Variants in CARMIL1 observed in about 807,000 individuals in gnomAD.
CARMIL1 encodes the protein F-actin-uncapping protein LRRC16A.
A neutral mutation model predicts 177.1 loss-of-function variants in CARMIL1; 90 were observed. The ratio of observed to expected loss-of-function variants is 0.51; its 90% confidence interval spans 0.43 to 0.61. The LOEUF (loss-of-function observed/expected upper bound fraction) is 0.61, where lower values mean the gene tolerates loss of function less well. Among genes scored for constraint, CARMIL1 ranks in the 20% least tolerant of loss-of-function variants. CARMIL1 has a pLI of 0.00. For missense variants in CARMIL1, 1,380 were observed against 1,667.0 expected (o/e 0.83, Z 3.00); for synonymous variants, 577 against 606.2 (o/e 0.95, Z 0.71).
chr6:25,329,633 A>C (rs1785427393), intron 2 of CARMIL1, among the ~76,000 whole-genome samples: 1 of 152,252 alleles, frequency 6.6e-6, no homozygotes, highest in Admixed American at 6.5e-5. Flanking sequence ...GCACATATGT[A>C]AATTGAATGC....
chr6:25,358,233 C>T (rs1788828757), intron 2 of CARMIL1, among the ~76,000 whole-genome samples: 1 of 152,106 alleles, frequency 6.6e-6, no homozygotes, highest in African/African-American at 2.4e-5. Context: ...TGTAATATTT[C>T]TTCTGTAGAG....
intron 2 of CARMIL1, among the ~76,000 whole-genome samples, chr6:25,313,040 G>A (rs9461135): frequency 0.21 from 31,631 of 152,060 alleles, 4,242 homozygotes; most frequent in East Asian, 0.4. Flanking sequence ...TCTAGTGGAT[G>A]GCAGCATGTG....
intron 2 of CARMIL1, among the ~76,000 whole-genome samples, chr6:25,343,659 C>T (rs1486632107): frequency 6.6e-6 from 1 of 152,192 alleles, no homozygotes; most frequent in Non-Finnish European, 1.5e-5. Context: ...TCCTGCTTCC[C>T]TCCCCTAGGG....
intron 2 of CARMIL1, among the ~76,000 whole-genome samples, chr6:25,285,683 A>G (rs1310462421): frequency 1.3e-5 from 2 of 152,220 alleles, no homozygotes; most frequent in East Asian, 3.8e-4. Flanking sequence ...ATTTTCAAAC[A>G]TATGCAAAAA....
At chr6:25,563,296 A>G in intron 29 of CARMIL1, 1 of 985,388 alleles carries the variant, frequency 1.0e-6, no homozygotes, top group Non-Finnish European at 1.2e-6. Flanking sequence ...CTTTCCAGTT[A>G]GAATAAAAGA....
At chr6:25,415,777 T>G (rs1410439) in intron 2 of CARMIL1, among the ~76,000 whole-genome samples, 60,554 of 152,050 alleles carry the variant, frequency 0.4, 12,214 homozygotes, top group Middle Eastern at 0.47. Context: ...CTAGAATGCA[T>G]TCTTTCTTCT....
chr6:25,455,832 A>G lies in CARMIL1; in HGVS notation c.614+5121A>G, dbSNP rs191737342. Reference sequence around the variant, plus strand: ...CTGATGTTAATGTCACAGGTCTGAGAGGATGAAACATGGCCTTGGCAGCTT... The same window carrying G: ...CTGATGTTAATGTCACAGGTCTGAGGGGATGAAACATGGCCTTGGCAGCTT... On this transcript the variant is annotated intron_variant, in intron 8 of 36. Transcript: ENST00000329474. Among the ~76,000 whole-genome samples, 17 of 152,338 alleles carry G rather than the reference A, an allele frequency of 1.1e-4. No homozygotes were observed. The East Asian group carries it at 2.3e-3, about 21-fold the overall frequency.
chr6:25,466,877 A>T (rs569741617), intron 9 of CARMIL1, among the ~76,000 whole-genome samples: 4 of 152,156 alleles, frequency 2.6e-5, no homozygotes, highest in Non-Finnish European at 5.9e-5. Flanking sequence ...ATGAACTTGG[A>T]ATAAGAAACC....
intron 36 of CARMIL1, chr6:25,612,857 T>A: frequency 1.0e-6 from 1 of 985,324 alleles, no homozygotes; most frequent in Non-Finnish European, 1.2e-6. Flanking sequence ...GTGAATGCAA[T>A]TGGGCACAGG....
At chr6:25,619,370 T>G in intron 36 of CARMIL1, 77 bp from the exon 37 acceptor site, 1 of 1,446,442 alleles carries the variant, frequency 6.9e-7, no homozygotes, top group East Asian at 2.5e-5. Flanking sequence ...TCAAGGCTAC[T>G]GCATCTCAGC....
intron 2 of CARMIL1, among the ~76,000 whole-genome samples, chr6:25,354,055 T>C (rs1788344166): frequency 6.6e-6 from 1 of 152,188 alleles, no homozygotes; most frequent in Admixed American, 6.5e-5. Flanking sequence ...GATAAGAATA[T>C]TGTCTGGTTC....
At chr6:25,327,366 A>G (rs189844928) in intron 2 of CARMIL1, among the ~76,000 whole-genome samples, 109 of 152,314 alleles carry the variant, frequency 7.2e-4, no homozygotes, top group Admixed American at 3.6e-3. Context: ...TGTATGATGA[A>G]GCGGAGATTT....
chr6:25,348,825 A>G (rs76546740), intron 2 of CARMIL1, among the ~76,000 whole-genome samples: 7,917 of 152,174 alleles, frequency 0.052, 274 homozygotes, highest in Non-Finnish European at 0.087. Flanking sequence ...CAAGATAATT[A>G]TCCAATTTTT....
At chr6:25,487,582 G>A (rs891397680) in intron 12 of CARMIL1, among the ~76,000 whole-genome samples, 3 of 152,086 alleles carry the variant, frequency 2.0e-5, no homozygotes, top group East Asian at 1.9e-4. Context: ...TTGCTATCTC[G>A]CACATTCCCA....
At chr6:25,360,797 G>A (rs963368433) in intron 2 of CARMIL1, among the ~76,000 whole-genome samples, 2 of 152,146 alleles carry the variant, frequency 1.3e-5, no homozygotes, top group Non-Finnish European at 1.5e-5. Flanking sequence ...CCTTATTCAC[G>A]TTGAGGAATG....
chr6:25,483,570 C>G (rs760602860), intron 12 of CARMIL1, among the ~76,000 whole-genome samples: 45 of 149,400 alleles, frequency 3.0e-4, no homozygotes, highest in Non-Finnish European at 5.8e-4. Flanking sequence ...CCTGAGCTGT[C>G]TTATGTTTTT....
intron 2 of CARMIL1, among the ~76,000 whole-genome samples, chr6:25,290,081 G>A (rs888091092): frequency 6.6e-6 from 1 of 152,132 alleles, no homozygotes; most frequent in African/African-American, 2.4e-5. Context: ...ATCCTTGGCA[G>A]CATTTGTCAT....
In CARMIL1 at chr6:25,556,868, G is replaced by T; in HGVS notation, c.2742+18G>T. On this transcript the variant is annotated intron_variant, in intron 29 of 36. Transcript: ENST00000329474. ...CCTGTATGGTAAGACACATCCTCTGGTGGTACCGTTACCCTTTTCACTGGA... is the reference window on the plus strand; with the variant it reads ...CCTGTATGGTAAGACACATCCTCTGTTGGTACCGTTACCCTTTTCACTGGA... The T allele has an allele frequency of 1.2e-6, 2 of 1,611,478 alleles. No individual in the cohort carries two copies. The highest frequency in any genetic ancestry group is 1.7e-6 in the Non-Finnish European group (2 of 1,178,498).
At chr6:25,291,892 C>A (rs1050992252) in intron 2 of CARMIL1, among the ~76,000 whole-genome samples, 1 of 152,150 alleles carries the variant, frequency 6.6e-6, no homozygotes, top group Non-Finnish European at 1.5e-5. Context: ...GTCTTGCAAT[C>A]TCAGGATGCT....
Sources: gnomAD v4.1 joint callset for allele counts (sites outside exome capture counted in the v4.1 genomes callset) on GRCh38, gnomAD v4.1.1 for gene constraint, MANE v1.5 for transcripts, NCBI Gene and HGNC (gene_info 2026-07-23, HGNC 2026-07-21) for gene names.